Variants in FER1L5 observed in about 807,000 individuals in gnomAD.
FER1L5 encodes fer-1-like protein 5.
In FER1L5, 187 loss-of-function variants were observed where a neutral mutation model predicts 279.9. The observed-to-expected ratio is 0.67, with a 90% confidence interval of 0.59 to 0.75. The LOEUF (loss-of-function observed/expected upper bound fraction) is 0.75. FER1L5 is among the 30% of genes least tolerant of loss of function. FER1L5 has a pLI of 0.00. For synonymous variants in FER1L5, 921 were observed against 989.7 expected, an observed-to-expected ratio of 0.93 and a Z score of 1.30; for missense variants, 2,091 against 2,594.4, an observed-to-expected ratio of 0.81 and a Z score of 4.21.
At chr2:96,670,286 GC>G (rs1226297891) in intron 18 of FER1L5, 39 bp downstream of exon 18, 3 of 1,548,242 alleles carry the variant, frequency 1.9e-6, no homozygotes, top group Non-Finnish European at 2.6e-6. Flanking sequence ...AAAAACAAGA[GC>G]CCTGTCTGCC....
Position 96,692,128 on chromosome 2 carries a change from G to A in FER1L5, c.3239G>A (p.Cys1080Tyr), listed in dbSNP as rs1283593074. ...GAGCCCCACTACTACCAGCTCTTCT[G>A]CTACATCTACCAGGCCCGGAACCTG... Reference protein sequence around the residue: ...FNKPHYYQLFCYIYQARNLVS... With the variant: ...FNKPHYYQLFYYIYQARNLVS... Residue 1080 changes from cysteine to tyrosine, a missense_variant, in exon 31 of 53, where the codon TGC (cysteine) becomes TAC (tyrosine). Cys to Tyr is a radical substitution (Grantham distance 194). Coordinates refer to ENST00000624922, the MANE Select transcript of FER1L5 (RefSeq NM_001293083.2). The A allele has an allele frequency of 1.3e-6, 2 of 1,551,586 alleles. No individual in the cohort carries two copies. Among genetic ancestry groups the A allele is most frequent in the South Asian group, 1.2e-5 (1 of 84,054 alleles).
In FER1L5 at chr2:96,693,220, G is replaced by A. The variant is rs372273724; in HGVS notation, c.3293-286G>A. The stretch of plus-strand genomic sequence containing the variant: ...AAAAAGGGCAGTCACAAGTGGCCTC[G>A]TCCCTAGAACTCCTCCAGAGGATCC... On this transcript the variant is annotated intron_variant, in intron 31 of 52. Transcript: ENST00000624922. 1.6e-4 allele frequency among the ~76,000 whole-genome samples: 24 copies of A among 150,464 alleles called. 2 individuals carry two copies. The highest frequency in any genetic ancestry group is 6.6e-4 in the Admixed American group (10 of 15,122).
rs1045616480 is a variant in FER1L5, at chr2:96,698,951, C to T, written c.4519-94C>T. ...AACTCCCCATAGGCTCCGTGTGGTG[C>T]GAGGGGCTTGTTTCCACCCTCCTCC... On this transcript the variant is annotated intron_variant, in intron 41 of 52. Transcript: ENST00000624922. The surrounding 1 kb of genome is among the most constrained non-coding windows in gnomAD (Gnocchi z 5.5). The T allele has an allele frequency of 2.1e-5, 32 of 1,525,888 alleles. No homozygotes were observed. The highest frequency in any genetic ancestry group is 2.5e-5 in the Non-Finnish European group (28 of 1,124,742). The allele number at this position is 1,525,888 out of a possible 1,614,324, so 94.5% of individuals were successfully genotyped here.
intron 7 of FER1L5, chr2:96,652,263 G>A: frequency 1.9e-6 from 1 of 535,376 alleles, no homozygotes; most frequent in Non-Finnish European, 3.3e-6. Flanking sequence ...TTACAACAGA[G>A]CAGATCCTGG....
In FER1L5 at chr2:96,699,982, A is replaced by C; in HGVS notation, c.4832A>C (p.Glu1611Ala). The C allele has an allele frequency of 6.2e-7, 1 of 1,613,982 alleles. No individual in the cohort carries two copies. ...RDQMPPSYLL[E>A]RYAKRKGLPP... ...CAGATGCCCCCAAGCTACCTCCTAGAACGCTATGCCAAGCGGAAAGGGCTA... is the reference window on the plus strand; with the variant it reads ...CAGATGCCCCCAAGCTACCTCCTAGCACGCTATGCCAAGCGGAAAGGGCTA... The change falls in exon 44 of 53, where the codon GAA becomes GCA. Residue 1611 changes from glutamate (E) to alanine (A), a missense_variant. Coordinates refer to ENST00000624922, the MANE Select transcript of FER1L5 (RefSeq NM_001293083.2).
In FER1L5 at chr2:96,702,525, G is replaced by C; in HGVS notation, c.5256-75G>C. ...AGCTCTGCCTGGCGTCGGCTGGGCA[G>C]CCCTTCCCATGGGGCTCCAGCTGGG... On this transcript the variant is annotated intron_variant, in intron 47 of 52. Coordinates refer to ENST00000624922, the MANE Select transcript of FER1L5 (RefSeq NM_001293083.2). The surrounding 1 kb of genome is among the most constrained non-coding windows in gnomAD (Gnocchi z 4.0). 6.5e-7 allele frequency: 1 copy of C among 1,549,974 alleles called. No homozygotes were observed. The highest frequency in any genetic ancestry group is 8.7e-7 in the Non-Finnish European group (1 of 1,146,090).
chr2:96,684,196 G>T, intron 19 of FER1L5, 131 bp from the exon 20 acceptor site: 1 of 1,246,506 alleles, frequency 8.0e-7, no homozygotes, highest in East Asian at 2.7e-5. Flanking sequence ...GAGGGCTCCA[G>T]TCAGCATTGT....
At chr2:96,654,304 A>G (rs751260119) in intron 8 of FER1L5, 142 bp from the exon 9 acceptor site, 38 of 392,722 alleles carry the variant, frequency 9.7e-5, no homozygotes, top group Non-Finnish European at 1.4e-4. Context: ...AAATGAGAAC[A>G]CCCATGTGCA....
At chr2:96,648,557 G>A (rs952964865) in intron 4 of FER1L5, among the ~76,000 whole-genome samples, 1 of 152,226 alleles carries the variant, frequency 6.6e-6, no homozygotes, top group African/African-American at 2.4e-5. Flanking sequence ...AGTTGGAAGT[G>A]GGGACAAAAA....
intron 12 of FER1L5, 133 bp downstream of exon 12, chr2:96,661,924 G>A: frequency 7.6e-7 from 1 of 1,307,510 alleles, no homozygotes; most frequent in Non-Finnish European, 1.0e-6. Flanking sequence ...GGGTGAGACT[G>A]GAATTGCTCC....
At chr2:96,649,902 T>C (rs533272823) in intron 5 of FER1L5, among the ~76,000 whole-genome samples, 52 of 152,184 alleles carry the variant, frequency 3.4e-4, no homozygotes, top group Non-Finnish European at 6.6e-4. Context: ...ATAAGACCCA[T>C]GAGATATAAG....
In FER1L5 at chr2:96,661,690, G is replaced by T; in HGVS notation, c.917G>T (p.Gly306Val). The change falls in exon 12 of 53, where the codon GGC becomes GTC. Residue 306 changes from glycine to valine, a missense_variant. By Grantham distance (109) the Gly-to-Val change is moderately radical (BLOSUM62 -3). Coordinates refer to ENST00000624922, the MANE Select transcript of FER1L5 (RefSeq NM_001293083.2). Reference sequence around the variant, plus strand: ...CAGATAGATCAAAAGCTGCTCTATGGCACCGATGACACCGATATTCAGATC... The same window carrying T: ...CAGATAGATCAAAAGCTGCTCTATGTCACCGATGACACCGATATTCAGATC... ...QALIDQKLLY[G>V]TDDTDIQIFK... 1 of 1,551,692 alleles carries T rather than the reference G, an allele frequency of 6.4e-7. No individual in the cohort carries two copies. Among genetic ancestry groups the T allele is most frequent in the East Asian group, 2.4e-5 (1 of 40,922 alleles).
At position 96,687,935 on chromosome 2, in the gene FER1L5, G is replaced by A. The variant is rs573970299; in HGVS notation, c.2349G>A (p.Val783=). Residue 783 remains valine, a synonymous_variant, in exon 24 of 53, where the codon GTG becomes GTA. Coordinates refer to ENST00000624922, the MANE Select transcript of FER1L5 (RefSeq NM_001293083.2). ...LQLLRQGDTA[V]YAEMYENQAK... ...TGCTCCGCCAGGGTGACACAGCGGT[G>A]TACGCCGAGATGGTGAGTGGTGAGC... The A allele has an allele frequency of 3.4e-4, 522 of 1,551,074 alleles. 8 individuals are homozygous for A. The East Asian group carries it at 0.011, about 34-fold the overall frequency.
Position 96,670,128 on chromosome 2 carries a change from G to T in FER1L5, c.1372G>T (p.Asp458Tyr). The T allele has an allele frequency of 6.4e-7, 1 of 1,551,464 alleles. No individual in the cohort carries two copies. The change falls in exon 18 of 53, where the codon GAC (aspartate) becomes TAC (tyrosine). Residue 458 changes from aspartate (D) to tyrosine (Y), a missense_variant. Physicochemically the swap from Asp to Tyr is radical, Grantham distance 160. Transcript: ENST00000624922. ...CTCTCGCTTGCCCTAGTGTATTCCC[G>T]ACTCTGTTAGGGATGGTTTAGCTTA... Reference protein sequence around the residue: ...RIQEEGACIPDSVRDGLAYRG... With the variant: ...RIQEEGACIPYSVRDGLAYRG...
chr2:96,642,795 T>A lies in FER1L5; in HGVS notation c.-42T>A. On this transcript the variant is annotated 5_prime_UTR_variant, in exon 1 of 53. Coordinates refer to ENST00000624922, the MANE Select transcript of FER1L5 (RefSeq NM_001293083.2). The stretch of plus-strand genomic sequence containing the variant: ...CTGAGGAGCTCCAAAAAGGAAGCTG[T>A]GGCGCTGCGTAGGGAAGGAGGGAAG... The A allele has an allele frequency of 1.9e-6, 3 of 1,540,844 alleles. No individual in the cohort carries two copies. The Admixed American group carries it at 6.0e-5, about 31-fold the overall frequency.
chr2:96,693,741 G>A, intron 32 of FER1L5, 54 bp downstream of exon 32: 1 of 1,518,224 alleles, frequency 6.6e-7, no homozygotes, highest in Non-Finnish European at 8.9e-7. Context: ...CAGAGTGGCT[G>A]AGGGGATTTA....
chr2:96,670,307 CT>C, intron 18 of FER1L5, 60 bp downstream of exon 18: 1 of 1,540,588 alleles, frequency 6.5e-7, no homozygotes, highest in Non-Finnish European at 8.8e-7. Flanking sequence ...CCCGGATCTA[CT>C]GTGGATCCCA....
rs368795189 is a variant in FER1L5, at chr2:96,698,804, A to G, written c.4490A>G (p.Asn1497Ser). Residue 1497 changes from asparagine (N) to serine (S), a missense_variant, in exon 41 of 53, where the codon AAC (asparagine) becomes AGC (serine). By Grantham distance (46) the Asn-to-Ser change is conservative. Transcript: ENST00000624922. The surrounding 1 kb of genome is among the most constrained non-coding windows in gnomAD (Gnocchi z 5.5). ...CGGGTGTACATGGTACGAGCCATCAACCTGCAGCCCCAGGACTACAATGGC... is the reference window on the plus strand; with the variant it reads ...CGGGTGTACATGGTACGAGCCATCAGCCTGCAGCCCCAGGACTACAATGGC... ...LVRVYMVRAINLQPQDYNGLC... is the reference protein window; with the variant it reads ...LVRVYMVRAISLQPQDYNGLC... 2 of 1,564,894 alleles carry G rather than the reference A, an allele frequency of 1.3e-6. No homozygotes were observed. Among genetic ancestry groups the G allele is most frequent in the Non-Finnish European group, 1.7e-6 (2 of 1,154,970 alleles).
At chr2:96,693,772 A>C (rs1444152664) in intron 32 of FER1L5, 85 bp downstream of exon 32, 6 of 1,491,122 alleles carry the variant, frequency 4.0e-6, no homozygotes, top group Non-Finnish European at 5.4e-6. Flanking sequence ...AAATGTATGG[A>C]AAGTGCTCCC....
Sources: allele counts gnomAD v4.1 joint callset (sites outside exome capture counted in the v4.1 genomes callset), GRCh38; gene constraint gnomAD v4.1.1; non-coding constraint Gnocchi (gnomAD v3.1); transcripts MANE v1.5; gene names NCBI Gene and HGNC (gene_info 2026-07-23, HGNC 2026-07-21).